Variants in DAB1 observed in about 807,000 individuals in gnomAD.
DAB1 encodes the protein DAB adaptor protein 1.
DAB1 carries 15 observed loss-of-function variants against 64.6 expected under a neutral mutation model. That is an observed-to-expected ratio of 0.23 (90% CI 0.16 to 0.36). The LOEUF (loss-of-function observed/expected upper bound fraction) is 0.36, where lower values mean the gene tolerates loss of function less well. DAB1 is among the 10% of genes least tolerant of loss of function. The probability of loss-of-function intolerance (pLI) is 1.00; values close to 1 mark genes in which losing one functional copy is unlikely to be tolerated. For synonymous variants in DAB1, 235 were observed against 251.9 expected (o/e 0.93, Z 0.64); for missense variants, 596 against 706.7 (o/e 0.84, Z 1.78).
At chr1:58,259,387 C>T (rs1466865512) in intron 4 of DAB1, among the ~76,000 whole-genome samples, 1 of 152,134 alleles carries the variant, frequency 6.6e-6, no homozygotes, top group Non-Finnish European at 1.5e-5. Context: ...GGTATCTTAC[C>T]CATTGTTCAG....
At chr1:58,433,109 C>G (rs184129773) in intron 3 of DAB1, among the ~76,000 whole-genome samples, 2 of 152,238 alleles carry the variant, frequency 1.3e-5, no homozygotes, top group South Asian at 2.1e-4. Flanking sequence ...GCCTCCCACA[C>G]CCCCCCTATT....
chr1:57,601,115 T>A (rs1343226377), intron 7 of DAB1, among the ~76,000 whole-genome samples: 1 of 152,114 alleles, frequency 6.6e-6, no homozygotes, highest in East Asian at 1.9e-4. Context: ...TGCATACATG[T>A]TTATGCCTTG....
Position 58,159,885 on chromosome 1 carries a change from G to A in DAB1, n.310-9297C>T, listed in dbSNP as rs560596333. On this transcript the variant is annotated intron_variant and non_coding_transcript_variant, in intron 4 of 20. Coordinates refer to the DAB1 transcript ENST00000485760. ...CACAGCTGGTGAAGTTAGAGTTAAG[G>A]AGAGAAGGCAAGTCTCCATGCTCCA... Among the ~76,000 whole-genome samples, 6 of 152,278 alleles carry A rather than the reference G, an allele frequency of 3.9e-5. No individual in the cohort carries two copies. In the South Asian group the frequency reaches 1.0e-3, roughly 26 times the overall value.
At chr1:57,754,373 T>A (rs1648693864) in intron 6 of DAB1, among the ~76,000 whole-genome samples, 1 of 152,136 alleles carries the variant, frequency 6.6e-6, no homozygotes, top group Non-Finnish European at 1.5e-5. Context: ...TTTTATTTAA[T>A]TGAATTTTGT....
chr1:58,389,553 G>A (rs75281190), intron 3 of DAB1, among the ~76,000 whole-genome samples: 2,241 of 152,216 alleles, frequency 0.015, 49 homozygotes, highest in African/African-American at 0.051. Context: ...ATCCCAGCTG[G>A]GGCACTTTCT....
chr1:57,130,084 A>T (rs140212160), intron 4 of DAB1, among the ~76,000 whole-genome samples: 1 of 151,838 alleles, frequency 6.6e-6, no homozygotes, highest in East Asian at 2.0e-4. Flanking sequence ...ACTCAGTATG[A>T]CACAGATGAT....
chr1:57,680,141 G>A (rs1287088604), intron 6 of DAB1, among the ~76,000 whole-genome samples: 1 of 152,174 alleles, frequency 6.6e-6, no homozygotes, highest in Non-Finnish European at 1.5e-5. Context: ...AACAGCACTA[G>A]GTGGCAGCTA....
At chr1:57,386,543 C>T (rs1028608677) in intron 1 of DAB1, 3 of 151,988 alleles carry the variant, frequency 2.0e-5, no homozygotes, top group African/African-American at 7.3e-5. Flanking sequence ...TCAATAGAGC[C>T]TGTCAGGACC....
At chr1:57,159,856 C>CAAAAAGAAAAAAAAAAAAAAAA in intron 2 of DAB1, among the ~76,000 whole-genome samples, 1 of 86,346 alleles carries the variant, frequency 1.2e-5, no homozygotes, top group Non-Finnish European at 2.2e-5. Flanking sequence ...AGCAGCAAGA[C>CAAAAAGAAAAAAAAAAAAAAAA]AAAAAAAAAA....
chr1:57,952,946 C>T (rs1384766162), intron 5 of DAB1, among the ~76,000 whole-genome samples: 1 of 150,412 alleles, frequency 6.6e-6, no homozygotes, highest in Non-Finnish European at 1.5e-5. Flanking sequence ...ATCACTTTTC[C>T]CTATTGTTCT....
Position 57,023,623 on chromosome 1 carries a change from C to T in DAB1, c.803G>A (p.Gly268Asp), listed in dbSNP as rs760797421. The T allele has an allele frequency of 1.2e-6, 2 of 1,611,178 alleles. No individual in the cohort carries two copies. The highest frequency in any genetic ancestry group is 1.7e-6 in the Non-Finnish European group (2 of 1,178,628). The part of the protein sequence containing the change: ...ITSPPTPATP[G>D]DAFIPSSSQT... The stretch of plus-strand genomic sequence containing the variant: ...AGATGAAGATGGGATAAAGGCATCA[C>T]CTGGAGTTGCAGGAGTCTGCCAGAC... The change falls in exon 11 of 15, where the codon GGT becomes GAT. Residue 268 changes from glycine (G) to aspartate (D), a missense_variant. By Grantham distance (94) the Gly-to-Asp change is moderately conservative. Transcript: ENST00000371236.
intron 5 of DAB1, among the ~76,000 whole-genome samples, chr1:57,988,173 C>T (rs1646269995): frequency 6.6e-6 from 1 of 152,090 alleles, no homozygotes; most frequent in Non-Finnish European, 1.5e-5. Context: ...GCTTTGCAAG[C>T]AGCGTAGTGA....
intron 1 of DAB1, among the ~76,000 whole-genome samples, chr1:57,302,973 A>C (rs1673793720): frequency 6.6e-6 from 1 of 152,230 alleles, no homozygotes; most frequent in South Asian, 2.1e-4. Flanking sequence ...CTACAGTATT[A>C]AATGATGTAA....
chr1:58,034,491 G>A (rs557729238), intron 5 of DAB1, among the ~76,000 whole-genome samples: 1 of 152,350 alleles, frequency 6.6e-6, no homozygotes, highest in African/African-American at 2.4e-5. Context: ...TTTAAGCCAT[G>A]AAGTTTTGGG....
At chr1:57,996,662 T>C (rs1041787487) in intron 5 of DAB1, among the ~76,000 whole-genome samples, 4 of 152,192 alleles carry the variant, frequency 2.6e-5, no homozygotes, top group African/African-American at 7.2e-5. Flanking sequence ...ACTCTGAGAA[T>C]AGGGAAAATT....
intron 5 of DAB1, among the ~76,000 whole-genome samples, chr1:57,963,539 G>A (rs939863812): frequency 6.6e-6 from 1 of 152,114 alleles, no homozygotes; most frequent in Admixed American, 6.5e-5. Context: ...TTACAAGCCC[G>A]GCACTTAGTA....
chr1:57,599,598 C>T (rs1645552444), intron 7 of DAB1, among the ~76,000 whole-genome samples: 1 of 151,992 alleles, frequency 6.6e-6, no homozygotes, highest in African/African-American at 2.4e-5. Context: ...TGGAGATAAT[C>T]GTACTTACTG....
intron 1 of DAB1, among the ~76,000 whole-genome samples, chr1:57,403,561 C>T (rs923008248): frequency 1.4e-4 from 22 of 152,150 alleles, no homozygotes; most frequent in African/African-American, 5.3e-4. Context: ...AAGCCTCTAA[C>T]TTAACATGGT....
chr1:58,073,832 A>T (rs2100576714), intron 5 of DAB1, among the ~76,000 whole-genome samples: 1 of 152,316 alleles, frequency 6.6e-6, no homozygotes, highest in Middle Eastern at 3.4e-3. Context: ...AGGTATAATT[A>T]GAGGAAGGTG....
Sources: allele counts gnomAD v4.1 joint callset (sites outside exome capture counted in the v4.1 genomes callset), GRCh38; gene constraint gnomAD v4.1.1; transcripts MANE v1.5; gene names NCBI Gene and HGNC (gene_info 2026-07-23, HGNC 2026-07-21).